LRP1B: variants seen among roughly 807,000 people sequenced by gnomAD.
LRP1B encodes LDL receptor related protein 1B, also known as low-density lipoprotein receptor-related protein 1B.
Under a neutral mutation model 556.6 loss-of-function variants are expected in LRP1B, and 217 were observed. That is an observed-to-expected ratio of 0.39 (90% confidence interval 0.35 to 0.44). The LOEUF is 0.44. Among genes scored for constraint, LRP1B ranks in the 20% least tolerant of loss-of-function variants. The probability of loss-of-function intolerance (pLI) is 1.00; values close to 1 mark genes in which losing one functional copy is unlikely to be tolerated. For synonymous variants in LRP1B, 2,047 were observed against 1,865.8 expected (o/e 1.10, Z -2.50); for missense variants, 5,053 against 5,620.8 (o/e 0.90, Z 3.23).
At chr2:141,081,514 A>T (rs990889942) in intron 7 of LRP1B, among the ~76,000 whole-genome samples, 10 of 152,176 alleles carry the variant, frequency 6.6e-5, no homozygotes, top group Non-Finnish European at 7.3e-5. Context: ...TCTAAGTAAC[A>T]GTTGGGGGTG....
At chr2:140,399,176 C>CACACATACACACACACACACACACACA (rs70985098) in intron 66 of LRP1B, among the ~76,000 whole-genome samples, 10,498 of 151,768 alleles carry the variant, frequency 0.069, 410 homozygotes, top group Middle Eastern at 0.14. Context: ...CACACACACA[C>CACACATACACACACACACACACACACA]ACACACACAC....
rs533765450 is a variant in LRP1B, at chr2:141,494,550, T to C, written c.206-14017A>G. ...TAGGCTGGTGTAAAAGTAATTGCTG[T>C]TTTTGCCACTGAAACTAATAGCACC... On this transcript the variant is annotated intron_variant, in intron 2 of 90. Transcript: ENST00000389484. 4.0e-5 allele frequency among the ~76,000 whole-genome samples: 6 copies of C among 151,884 alleles called. No individual in the cohort carries two copies. The South Asian group carries it at 1.0e-3, about 26-fold the overall frequency.
chr2:141,026,717 C>G (rs1205262161), intron 11 of LRP1B, among the ~76,000 whole-genome samples: 1 of 152,032 alleles, frequency 6.6e-6, no homozygotes, highest in Non-Finnish European at 1.5e-5. Context: ...CCATAAATAT[C>G]TAAGAAAACA....
chr2:142,119,123 A>C (rs4662396), intron 1 of LRP1B, among the ~76,000 whole-genome samples: 85,847 of 152,004 alleles, frequency 0.56, 24,628 homozygotes, highest in East Asian at 0.72. Context: ...GCATTTCTAA[A>C]ATTTTAAATG....
At chr2:141,021,306 C>T (rs1191894730) in intron 11 of LRP1B, among the ~76,000 whole-genome samples, 1 of 151,988 alleles carries the variant, frequency 6.6e-6, no homozygotes, top group Non-Finnish European at 1.5e-5. Context: ...ACCCTTGTTG[C>T]TAATCAACAT....
Position 141,428,159 on chromosome 2 carries a change from T to C in LRP1B, c.343+52237A>G, listed in dbSNP as rs140520492. On this transcript the variant is annotated intron_variant, in intron 3 of 90. Coordinates refer to ENST00000389484, the MANE Select transcript of LRP1B (RefSeq NM_018557.3). The stretch of plus-strand genomic sequence containing the variant: ...TTTCTTGTGATAATCATCAAAGTGG[T>C]TTTCTGTTTCAGCATGTATTAAATA... 6.4e-3 allele frequency among the ~76,000 whole-genome samples: 969 copies of C among 152,322 alleles called. 15 individuals are homozygous for C. The highest frequency in any genetic ancestry group is 0.022 in the African/African-American group (928 of 41,564).
At chr2:140,304,846 A>AG (rs1683997979) in intron 83 of LRP1B, among the ~76,000 whole-genome samples, 1 of 152,220 alleles carries the variant, frequency 6.6e-6, no homozygotes, top group African/African-American at 2.4e-5. Context: ...GGTGTAAAGA[A>AG]GTGATCCAGT....
At chr2:140,315,157 T>C in intron 82 of LRP1B, 58 bp from the exon 83 acceptor site, 1 of 1,166,682 alleles carries the variant, frequency 8.6e-7, no homozygotes, top group Non-Finnish European at 1.2e-6. Context: ...TTTAATAAAA[T>C]AATTCAAATA....
chr2:140,479,123 A>G (rs943014202), intron 59 of LRP1B, among the ~76,000 whole-genome samples: 2 of 152,126 alleles, frequency 1.3e-5, no homozygotes, highest in Admixed American at 1.3e-4. Context: ...ATGAGCCTTC[A>G]TAAACACAGG....
intron 11 of LRP1B, among the ~76,000 whole-genome samples, chr2:141,021,833 T>C (rs1231158600): frequency 6.6e-6 from 1 of 151,984 alleles, no homozygotes; most frequent in Non-Finnish European, 1.5e-5. Flanking sequence ...AGCACCTATC[T>C]CATAGGATGA....
chr2:140,662,656 G>C (rs1346747458), intron 41 of LRP1B, among the ~76,000 whole-genome samples: 8 of 152,070 alleles, frequency 5.3e-5, no homozygotes. Context: ...TGCACAAATA[G>C]AAAGAATTAA....
chr2:140,904,229 A>T (rs1573863067), intron 22 of LRP1B, among the ~76,000 whole-genome samples: 1 of 152,116 alleles, frequency 6.6e-6, no homozygotes, highest in African/African-American at 2.4e-5. Context: ...TCAATATGAC[A>T]TGCTTACAAC....
intron 7 of LRP1B, among the ~76,000 whole-genome samples, chr2:141,065,726 A>G (rs1299437211): frequency 6.6e-6 from 1 of 151,892 alleles, no homozygotes; most frequent in Non-Finnish European, 1.5e-5. Context: ...AAATTACACA[A>G]AAAGGAATTT....
At chr2:141,251,576 G>A (rs1684262302) in intron 4 of LRP1B, among the ~76,000 whole-genome samples, 1 of 152,058 alleles carries the variant, frequency 6.6e-6, no homozygotes. Flanking sequence ...AGTGCTTAAA[G>A]GTATATAAGA....
intron 7 of LRP1B, among the ~76,000 whole-genome samples, chr2:141,138,578 AT>A (rs368398507): frequency 1.6e-3 from 225 of 143,114 alleles, no homozygotes; most frequent in Middle Eastern, 0.015. Context: ...TATAAATGTC[AT>A]TTTTTTTTTT....
At chr2:141,629,430 T>C (rs1467843303) in intron 2 of LRP1B, among the ~76,000 whole-genome samples, 1 of 152,220 alleles carries the variant, frequency 6.6e-6, no homozygotes, top group Admixed American at 6.5e-5. Flanking sequence ...TTTGGTTGTC[T>C]CATTTCTTAA....
At chr2:141,103,402 C>T (rs1326139287) in intron 7 of LRP1B, among the ~76,000 whole-genome samples, 1 of 152,022 alleles carries the variant, frequency 6.6e-6, no homozygotes, top group Non-Finnish European at 1.5e-5. Context: ...CAGTGTGGTT[C>T]ATTATATTGG....
chr2:141,987,269 ATATG>A (rs1353887330), intron 1 of LRP1B, among the ~76,000 whole-genome samples: 2 of 152,010 alleles, frequency 1.3e-5, no homozygotes, highest in African/African-American at 2.4e-5. Context: ...TGGCTAATTG[ATATG>A]TATGTAATTA....
intron 24 of LRP1B, 116 bp downstream of exon 24, chr2:140,886,022 G>T: frequency 1.6e-6 from 1 of 617,198 alleles, no homozygotes; most frequent in Non-Finnish European, 2.8e-6. Context: ...TATGAGGGAG[G>T]GGATAAAGGA....
Sources: gnomAD v4.1 joint callset for allele counts (sites outside exome capture counted in the v4.1 genomes callset) on GRCh38, gnomAD v4.1.1 for gene constraint, MANE v1.5 for transcripts, NCBI Gene and HGNC (gene_info 2026-07-23, HGNC 2026-07-21) for gene names.